Variants in TMEM167A observed in about 807,000 individuals in gnomAD.
TMEM167A encodes the protein transmembrane protein 167A, also known as protein kish-A.
A neutral mutation model predicts 11.6 loss-of-function variants in TMEM167A; 8 were observed. The observed-to-expected ratio is 0.69, with a 90% CI of 0.40 to 1.24. The LOEUF is 1.24. TMEM167A is among the 50% of genes most tolerant of loss of function. The pLI, the probability that TMEM167A is intolerant of heterozygous loss-of-function variation, is 0.01. For missense variants in TMEM167A, 62 were observed against 87.0 expected, an observed-to-expected ratio of 0.71 and a Z score of 1.14; for synonymous variants, 22 against 28.0, an observed-to-expected ratio of 0.79 and a Z score of 0.67.
intron 1 of TMEM167A, among the ~76,000 whole-genome samples, chr5:83,076,592 A>AT (rs1265677458): frequency 6.6e-6 from 1 of 152,180 alleles, no homozygotes; most frequent in East Asian, 1.9e-4. Flanking sequence ...TAGGCTCATA[A>AT]TTTTTCACCA....
At chr5:83,070,550 T>C (rs142512058) in intron 1 of TMEM167A, among the ~76,000 whole-genome samples, 396 of 152,186 alleles carry the variant, frequency 2.6e-3, no homozygotes, top group African/African-American at 8.8e-3. Flanking sequence ...TTTGAAATAA[T>C]AAAAATAATT....
At position 83,055,389 on chromosome 5, in the gene TMEM167A, G is replaced by A. The variant is rs1744313480; in HGVS notation, c.*1695C>T. ...ACCCAGAAATTAGAGCCAGAAAGGT[G>A]ACTTACTCAGCATGCATACACTGAC... is the stretch of plus-strand genomic sequence containing the variant. On this transcript the variant is annotated 3_prime_UTR_variant, in exon 4 of 4. Coordinates refer to ENST00000502346, the MANE Select transcript of TMEM167A (RefSeq NM_174909.5). 6.6e-6 allele frequency: 1 copy of A among 151,926 alleles called. No homozygotes were observed. The highest frequency in any genetic ancestry group is 1.5e-5 in the Non-Finnish European group (1 of 67,950). 9.4% of individuals were successfully genotyped at this position (151,926 alleles called of 1,614,324 possible).
chr5:83,065,589 A>T (rs1278895323), intron 1 of TMEM167A, among the ~76,000 whole-genome samples: 1 of 152,044 alleles, frequency 6.6e-6, no homozygotes, highest in Non-Finnish European at 1.5e-5. Flanking sequence ...CAAAATCAAA[A>T]TTTTTTGAGT....
chr5:83,069,728 C>T (rs1298137208), intron 1 of TMEM167A, among the ~76,000 whole-genome samples: 1 of 152,116 alleles, frequency 6.6e-6, no homozygotes, highest in Non-Finnish European at 1.5e-5. Context: ...CTGTGATTGT[C>T]TATTCTATTG....
In TMEM167A at chr5:83,067,850, T is replaced by C. The variant is rs372826740; in HGVS notation, c.4-2733A>G. Among the ~76,000 whole-genome samples the C allele has an allele frequency of 9.5e-4, 144 of 152,288 alleles. No homozygotes were observed. The Middle Eastern group carries it at 0.01, about 11-fold the overall frequency. ...TCTCAACTTTTCTAGATTTCTCAAA[T>C]TGTCTAAGTGACACTTTTATGGTCT... is the stretch of plus-strand genomic sequence containing the variant. On this transcript the variant is annotated intron_variant, in intron 1 of 3. Transcript: ENST00000502346.
chr5:83,067,513 G>C (rs1433068900), intron 1 of TMEM167A, among the ~76,000 whole-genome samples: 2 of 152,044 alleles, frequency 1.3e-5, no homozygotes, highest in East Asian at 1.9e-4. Context: ...GTTTTTTGGT[G>C]GGGGGTGGAG....
At chr5:83,076,099 C>T (rs1013191501) in intron 1 of TMEM167A, among the ~76,000 whole-genome samples, 33 of 152,182 alleles carry the variant, frequency 2.2e-4, no homozygotes, top group African/African-American at 8.0e-4. Context: ...GGGACCTGGA[C>T]ATTAAAATAA....
intron 1 of TMEM167A, among the ~76,000 whole-genome samples, chr5:83,065,629 A>G (rs1295242553): frequency 6.6e-6 from 1 of 152,168 alleles, no homozygotes; most frequent in African/African-American, 2.4e-5. Context: ...AAAAATGTTC[A>G]TTGGAGCATT....
intron 1 of TMEM167A, among the ~76,000 whole-genome samples, chr5:83,069,330 C>T (rs1744529072): frequency 6.6e-6 from 1 of 152,010 alleles, no homozygotes; most frequent in African/African-American, 2.4e-5. Flanking sequence ...ACAGATGTTC[C>T]TCTTCAGTGA....
Position 83,053,604 on chromosome 5 carries a change from T to C in TMEM167A, c.*3480A>G, listed in dbSNP as rs1376092623. 1 of 152,022 alleles carries C rather than the reference T, an allele frequency of 6.6e-6. No individual in the cohort carries two copies. Among genetic ancestry groups the C allele is most frequent in the African/African-American group, 2.4e-5 (1 of 41,436 alleles). 9.4% of individuals were successfully genotyped at this position (152,022 alleles called of 1,614,324 possible). A position where few individuals can be genotyped will look rare whatever the true frequency, so the allele number is the denominator to read the frequency against. On this transcript the variant is annotated 3_prime_UTR_variant, in exon 4 of 4. Coordinates refer to ENST00000502346, the MANE Select transcript of TMEM167A (RefSeq NM_174909.5). ...AGGAAAAACATATTCAATTTTGAGG[T>C]AGGTAATCAACAGGAATGAGAAAAA... is the stretch of plus-strand genomic sequence containing the variant.
chr5:83,073,260 C>T (rs974834107), intron 1 of TMEM167A, among the ~76,000 whole-genome samples: 1 of 152,184 alleles, frequency 6.6e-6, no homozygotes, highest in Non-Finnish European at 1.5e-5. Context: ...AAACACCTGT[C>T]AGAGTAGGTG....
At chr5:83,061,391 G>A (rs963279821) in intron 3 of TMEM167A, among the ~76,000 whole-genome samples, 2 of 151,830 alleles carry the variant, frequency 1.3e-5, no homozygotes, top group African/African-American at 4.8e-5. Flanking sequence ...TGTTAATGAA[G>A]TAGCCACCAA....
chr5:83,055,080 G>A lies in TMEM167A; in HGVS notation c.*2004C>T, dbSNP rs1308748135. The A allele has an allele frequency of 2.6e-5, 4 of 151,998 alleles. 1 individual carries two copies. The highest frequency in any genetic ancestry group is 4.1e-4 in the South Asian group (2 of 4,828). The allele number at this position is 151,998 out of a possible 1,614,324, so 9.4% of individuals were successfully genotyped here. On this transcript the variant is annotated 3_prime_UTR_variant, in exon 4 of 4. Coordinates refer to ENST00000502346, the MANE Select transcript of TMEM167A (RefSeq NM_174909.5). ...CTCCCTGACTTCTCCAAAAGCTTGT[G>A]TTTCAAAAGGTCAGAATGGTTGTTG...
chr5:83,058,321 T>C (rs1332541077), intron 3 of TMEM167A, among the ~76,000 whole-genome samples: 3 of 152,072 alleles, frequency 2.0e-5, no homozygotes, highest in Admixed American at 6.6e-5. Flanking sequence ...ATTATACACA[T>C]ACAAAAAAAT....
rs564725100 is a variant in TMEM167A at position 83,056,225 on chromosome 5, A to G, written c.*859T>C. 2.0e-5 allele frequency: 3 copies of G among 152,168 alleles called. No individual in the cohort carries two copies. In the South Asian group the frequency reaches 6.2e-4, roughly 32 times the overall value. 9.4% of individuals were successfully genotyped at this position (152,168 alleles called of 1,614,324 possible). ...CTGTGTTAAAAAACAAAACAAAAAT[A>G]CAGTTCCTTTACGGCAATTAAAATA... On this transcript the variant is annotated 3_prime_UTR_variant, in exon 4 of 4. Coordinates refer to ENST00000502346, the MANE Select transcript of TMEM167A (RefSeq NM_174909.5).
At chr5:83,068,873 T>C (rs6859522) in intron 1 of TMEM167A, among the ~76,000 whole-genome samples, 2,793 of 152,286 alleles carry the variant, frequency 0.018, 68 homozygotes, top group African/African-American at 0.062. Context: ...AATGATATAA[T>C]GTTCAGGATT....
intron 1 of TMEM167A, among the ~76,000 whole-genome samples, chr5:83,074,588 A>G (rs1352707915): frequency 6.6e-6 from 1 of 152,168 alleles, no homozygotes; most frequent in East Asian, 1.9e-4. Flanking sequence ...GAGTTAACCA[A>G]GTAAAGGTTC....
rs1431253191 is a variant in TMEM167A at position 83,056,750 on chromosome 5, G to A, written c.*334C>T. On this transcript the variant is annotated 3_prime_UTR_variant, in exon 4 of 4. Coordinates refer to ENST00000502346, the MANE Select transcript of TMEM167A (RefSeq NM_174909.5). ...AAATCATTTCCAAATCACAGTGAAAGGAACTTGAGTAATTAACCAATTTTG... is the reference window on the plus strand; with the variant it reads ...AAATCATTTCCAAATCACAGTGAAAAGAACTTGAGTAATTAACCAATTTTG... 2 of 275,700 alleles carry A rather than the reference G, an allele frequency of 7.3e-6. No individual in the cohort carries two copies. Among genetic ancestry groups the A allele is most frequent in the African/African-American group, 4.6e-5 (2 of 43,472 alleles). The allele number at this position is 275,700 out of a possible 1,614,324, so 17.1% of individuals were successfully genotyped here.
intron 2 of TMEM167A, chr5:83,064,254 C>T (rs1311487107): frequency 1.9e-6 from 1 of 518,466 alleles, no homozygotes; most frequent in African/African-American, 1.9e-5. Flanking sequence ...AGGTTGGCAG[C>T]CCTGAGAACT....
Sources: gnomAD v4.1 joint callset for allele counts (sites outside exome capture counted in the v4.1 genomes callset) on GRCh38, gnomAD v4.1.1 for gene constraint, MANE v1.5 for transcripts, NCBI Gene and HGNC (gene_info 2026-07-23, HGNC 2026-07-21) for gene names.